Variants in SEMA5A observed in about 807,000 individuals in gnomAD.
SEMA5A encodes the protein semaphorin 5A.
In SEMA5A, 55 loss-of-function variants were observed where a neutral mutation model predicts 135.5. The observed-to-expected ratio is 0.41, with a 90% CI of 0.33 to 0.51. SEMA5A has a LOEUF of 0.51. Ranked by LOEUF, SEMA5A falls within the 20% of genes least tolerant of loss-of-function variation. The probability of loss-of-function intolerance (pLI) is 0.37; values close to 1 mark genes in which losing one functional copy is unlikely to be tolerated. For missense variants in SEMA5A, 1,290 were observed against 1,419.9 expected (o/e 0.91, Z 1.47); for synonymous variants, 580 against 546.5 (o/e 1.06, Z -0.85).
chr5:9,306,663 G>A (rs1468811376), intron 5 of SEMA5A, among the ~76,000 whole-genome samples: 4 of 152,080 alleles, frequency 2.6e-5, no homozygotes, highest in African/African-American at 9.7e-5. Context: ...CAACTCTCCA[G>A]AGGAAGGGGC....
chr5:9,098,778 T>C (rs1394666), intron 16 of SEMA5A, among the ~76,000 whole-genome samples: 17,385 of 152,196 alleles, frequency 0.11, 1,530 homozygotes, highest in East Asian at 0.32. Flanking sequence ...TATTATTGTG[T>C]CTCCACATAT....
intron 1 of SEMA5A, among the ~76,000 whole-genome samples, chr5:9,528,963 A>G (rs1220487218): frequency 6.6e-6 from 1 of 152,210 alleles, no homozygotes; most frequent in Non-Finnish European, 1.5e-5. Context: ...GCAGGGCTTT[A>G]GGGATAGCTG....
At chr5:9,440,470 T>C (rs1205104638) in intron 1 of SEMA5A, among the ~76,000 whole-genome samples, 1 of 152,228 alleles carries the variant, frequency 6.6e-6, no homozygotes, top group Non-Finnish European at 1.5e-5. Context: ...TAGCTTAGCT[T>C]TAACCTTGGT....
chr5:9,385,519 A>T (rs999076192), intron 2 of SEMA5A, among the ~76,000 whole-genome samples: 1 of 152,126 alleles, frequency 6.6e-6, no homozygotes, highest in South Asian at 2.1e-4. Flanking sequence ...CAGAGAGTCC[A>T]CAAACCCCTC....
intron 1 of SEMA5A, chr5:9,512,175 A>G (rs1377060381): frequency 6.6e-6 from 1 of 152,198 alleles, no homozygotes; most frequent in African/African-American, 2.4e-5. Context: ...CCTTGTCTCA[A>G]AGCATAAGAG....
intron 3 of SEMA5A, among the ~76,000 whole-genome samples, chr5:9,378,278 C>T (rs10068342): frequency 1.3e-5 from 2 of 152,028 alleles, no homozygotes; most frequent in African/African-American, 4.8e-5. Flanking sequence ...GGTGTACCTT[C>T]AGGATACGTA....
At chr5:9,122,190 T>A (rs1030890034) in intron 14 of SEMA5A, among the ~76,000 whole-genome samples, 16 of 152,300 alleles carry the variant, frequency 1.1e-4, no homozygotes, top group Middle Eastern at 3.4e-3. Context: ...GGTTATCTTA[T>A]TTAAACTGCT....
intron 1 of SEMA5A, among the ~76,000 whole-genome samples, chr5:9,507,601 G>A (rs1034769658): frequency 1.3e-5 from 2 of 152,164 alleles, no homozygotes; most frequent in Admixed American, 6.5e-5. Flanking sequence ...GTCTCAGTCA[G>A]TGTAAGAGAG....
intron 1 of SEMA5A, among the ~76,000 whole-genome samples, chr5:9,506,156 A>G (rs1735869705): frequency 6.6e-6 from 1 of 152,212 alleles, no homozygotes; most frequent in Non-Finnish European, 1.5e-5. Flanking sequence ...ACAAAGGCCA[A>G]TTTAGTTGCA....
At chr5:9,296,403 T>C (rs1751336363) in intron 5 of SEMA5A, among the ~76,000 whole-genome samples, 1 of 152,178 alleles carries the variant, frequency 6.6e-6, no homozygotes, top group South Asian at 2.1e-4. Context: ...ATGTAATATA[T>C]TTATAATGAG....
chr5:9,463,583 G>A (rs893867788), intron 1 of SEMA5A, among the ~76,000 whole-genome samples: 2 of 152,058 alleles, frequency 1.3e-5, no homozygotes, highest in Admixed American at 6.5e-5. Flanking sequence ...AAAAACTCTG[G>A]TGCTAAAAAT....
chr5:9,455,741 C>T (rs1262103348), intron 1 of SEMA5A, among the ~76,000 whole-genome samples: 2 of 152,148 alleles, frequency 1.3e-5, no homozygotes, highest in African/African-American at 4.8e-5. Flanking sequence ...AAAATTCCCC[C>T]AATCTCTCAG....
At chr5:9,290,833 A>G (rs559767385) in intron 5 of SEMA5A, among the ~76,000 whole-genome samples, 4 of 152,064 alleles carry the variant, frequency 2.6e-5, no homozygotes, top group Admixed American at 1.3e-4. Context: ...GTTCTTTCCC[A>G]CCTCATTTCA....
chr5:9,297,381 T>C (rs1193562649), intron 5 of SEMA5A, among the ~76,000 whole-genome samples: 3 of 151,926 alleles, frequency 2.0e-5, no homozygotes, highest in African/African-American at 7.3e-5. Context: ...GGTGATTAGG[T>C]CACGAGGGTG....
intron 11 of SEMA5A, among the ~76,000 whole-genome samples, chr5:9,187,239 C>T (rs1252787177): frequency 2.0e-5 from 3 of 151,930 alleles, no homozygotes; most frequent in Non-Finnish European, 4.4e-5. Flanking sequence ...AACTGAATAT[C>T]ATTCTTAATT....
At chr5:9,102,525 G>C (rs1739687467) in intron 16 of SEMA5A, among the ~76,000 whole-genome samples, 1 of 152,024 alleles carries the variant, frequency 6.6e-6, no homozygotes, top group South Asian at 2.1e-4. Context: ...TCTTACAAGA[G>C]CATTCACAAG....
chr5:9,185,988 A>T (rs190206235), intron 11 of SEMA5A, among the ~76,000 whole-genome samples: 1 of 152,268 alleles, frequency 6.6e-6, no homozygotes, highest in East Asian at 1.9e-4. Flanking sequence ...AGTAAGGGAG[A>T]AACTCCCAGA....
chr5:9,317,328 C>G (rs1482905605), intron 5 of SEMA5A, among the ~76,000 whole-genome samples: 1 of 151,938 alleles, frequency 6.6e-6, no homozygotes, highest in African/African-American at 2.4e-5. Context: ...GAACGTCTTA[C>G]TTATTTTTCG....
chr5:9,175,447 G>A (rs1324887920), intron 11 of SEMA5A, among the ~76,000 whole-genome samples: 1 of 152,112 alleles, frequency 6.6e-6, no homozygotes, highest in African/African-American at 2.4e-5. Context: ...CTAGAGGGGT[G>A]CAAGCAGAGA....
Sources: allele counts gnomAD v4.1 joint callset (sites outside exome capture counted in the v4.1 genomes callset), GRCh38; gene constraint gnomAD v4.1.1; transcripts MANE v1.5; gene names NCBI Gene and HGNC (gene_info 2026-07-23, HGNC 2026-07-21).